The following KLF13 variants were observed in gnomAD, a reference collection of about 807,000 sequenced individuals.
KLF13 encodes KLF transcription factor 13, also known as Krueppel-like factor 13.
In KLF13, 8 loss-of-function variants were observed where a neutral mutation model predicts 16.7. That is an observed-to-expected ratio of 0.48 (90% CI 0.28 to 0.87). KLF13 has a LOEUF of 0.87. KLF13 is among the 40% of genes least tolerant of loss of function. The probability of loss-of-function intolerance (pLI) is 0.10; values close to 1 mark genes in which losing one functional copy is unlikely to be tolerated. For missense variants in KLF13, 447 were observed against 452.2 expected (o/e 0.99, Z 0.10); for synonymous variants, 245 against 208.4 (o/e 1.18, Z -1.51).
intron 2 of KLF13, among the ~76,000 whole-genome samples, chr15:31,400,728 G>A (rs1367781567): frequency 6.6e-6 from 1 of 151,256 alleles, no homozygotes; most frequent in Non-Finnish European, 1.5e-5. Flanking sequence ...GAGGAGGGTC[G>A]AGGGAGGGGG....
At chr15:31,351,803 A>T (rs1225265932) in intron 1 of KLF13, among the ~76,000 whole-genome samples, 1 of 152,190 alleles carries the variant, frequency 6.6e-6, no homozygotes. Flanking sequence ...TGAGGTCAGG[A>T]GTTCAAGACT....
At chr15:31,342,443 G>T (rs965069388) in intron 1 of KLF13, among the ~76,000 whole-genome samples, 1 of 152,216 alleles carries the variant, frequency 6.6e-6, no homozygotes, top group Non-Finnish European at 1.5e-5. Flanking sequence ...TTAACTGACA[G>T]CTCTTTAGTA....
At chr15:31,400,849 C>T (rs770743834) in intron 2 of KLF13, among the ~76,000 whole-genome samples, 1 of 152,028 alleles carries the variant, frequency 6.6e-6, no homozygotes, top group Non-Finnish European at 1.5e-5. Flanking sequence ...TGGCTGGATG[C>T]GATGGCTGTG....
chr15:31,385,500 A>G (rs1380222573), intron 1 of KLF13, among the ~76,000 whole-genome samples: 1 of 152,240 alleles, frequency 6.6e-6, no homozygotes, highest in Non-Finnish European at 1.5e-5. Flanking sequence ...TTCCAACAGC[A>G]CATGCTCACT....
At chr15:31,340,465 C>A (rs2039003169) in intron 1 of KLF13, among the ~76,000 whole-genome samples, 1 of 152,244 alleles carries the variant, frequency 6.6e-6, no homozygotes, top group African/African-American at 2.4e-5. Flanking sequence ...TCCCTCCTCA[C>A]CTGGGTGCTC....
chr15:31,368,090 G>A (rs1475258663), intron 1 of KLF13, among the ~76,000 whole-genome samples: 1 of 150,358 alleles, frequency 6.7e-6, no homozygotes, highest in African/African-American at 2.5e-5. Flanking sequence ...ACACTTGGGA[G>A]CTCATCTCCA....
chr15:31,428,245 G>C (rs140459853), intron 1 of KLF13, among the ~76,000 whole-genome samples: 241 of 152,276 alleles, frequency 1.6e-3, no homozygotes, highest in African/African-American at 5.6e-3. Context: ...AGTGGGTATA[G>C]AGCTGCAGTT....
downstream of KLF13, among the ~76,000 whole-genome samples, chr15:31,407,410 C>A (rs1264795977): frequency 1.3e-5 from 2 of 152,128 alleles, no homozygotes; most frequent in African/African-American, 4.8e-5. Flanking sequence ...AGGTCATGGG[C>A]AGAGAAACAA....
intron 1 of KLF13, among the ~76,000 whole-genome samples, chr15:31,419,668 G>A (rs965000710): frequency 2.0e-5 from 3 of 152,100 alleles, no homozygotes; most frequent in Admixed American, 6.6e-5. Context: ...AAGCATAAGG[G>A]ACTTATGAAA....
At chr15:31,405,672 G>T (rs1015020121), downstream of KLF13, among the ~76,000 whole-genome samples, 6 of 152,146 alleles carry the variant, frequency 3.9e-5, no homozygotes, top group Admixed American at 3.3e-4. Context: ...TCTGGTGAGG[G>T]CTGCCAGGTG....
intron 1 of KLF13, chr15:31,393,285 C>G (rs1221010712): frequency 2.0e-5 from 3 of 152,492 alleles, no homozygotes; most frequent in African/African-American, 7.2e-5. Flanking sequence ...GGCCTTCGGC[C>G]TTTGCATTTC....
intron 1 of KLF13, among the ~76,000 whole-genome samples, chr15:31,433,502 G>T (rs1037448184): frequency 6.6e-6 from 1 of 152,102 alleles, no homozygotes; most frequent in Non-Finnish European, 1.5e-5. Context: ...TTCCACCAGG[G>T]TCCCCCCCTT....
chr15:31,367,222 G>A (rs1296656734), intron 1 of KLF13, among the ~76,000 whole-genome samples: 1 of 152,194 alleles, frequency 6.6e-6, no homozygotes, highest in Non-Finnish European at 1.5e-5. Context: ...CAGACCCAGT[G>A]TTGCTCCTTG....
Position 31,344,184 on chromosome 15 carries a change from G to A in KLF13, c.577+16395G>A, listed in dbSNP as rs571007827. ...CCTGTCACTCCAGCTCCAGAGGTGG[G>A]GCTCTCCCCACACCCATACCCATCT... is the stretch of plus-strand genomic sequence containing the variant. On this transcript the variant is annotated intron_variant, in intron 1 of 1. Transcript: ENST00000307145. Among the ~76,000 whole-genome samples, 146 of 152,236 alleles carry A rather than the reference G, an allele frequency of 9.6e-4. No homozygotes were observed. In the Middle Eastern group the frequency reaches 0.01, roughly 11 times the overall value.
chr15:31,372,394 G>A lies in KLF13; in HGVS notation c.*95G>A, dbSNP rs1472301175. The A allele has an allele frequency of 7.7e-7, 1 of 1,293,394 alleles. No individual in the cohort carries two copies. The highest frequency in any genetic ancestry group is 1.0e-6 in the Non-Finnish European group (1 of 1,004,944). The allele number at this position is 1,293,394 out of a possible 1,614,324, so 80.1% of individuals were successfully genotyped here. On this transcript the variant is annotated 3_prime_UTR_variant, in exon 2 of 2. Coordinates refer to ENST00000307145, the MANE Select transcript of KLF13 (RefSeq NM_015995.4). ...AAGAAGAGAGAGAACTTGATGCAAA[G>A]TCCACGAAAAAACAATTTTTTTCAC...
intron 2 of KLF13, among the ~76,000 whole-genome samples, chr15:31,396,738 T>C (rs999307424): frequency 1.3e-5 from 2 of 152,216 alleles, no homozygotes; most frequent in African/African-American, 2.4e-5. Flanking sequence ...GTCAGAATCT[T>C]GTAGCCTCCA....
intron 1 of KLF13, among the ~76,000 whole-genome samples, chr15:31,338,050 A>G (rs1425747778): frequency 6.6e-6 from 1 of 152,220 alleles, no homozygotes; most frequent in African/African-American, 2.4e-5. Flanking sequence ...AGAGTCTTAC[A>G]GGAAATACAG....
intron 1 of KLF13, among the ~76,000 whole-genome samples, chr15:31,363,607 C>T (rs1314145550): frequency 6.6e-6 from 1 of 152,238 alleles, no homozygotes; most frequent in African/African-American, 2.4e-5. Context: ...CTGTCTCAGC[C>T]TCCTGAGTAG....
intron 1 of KLF13, among the ~76,000 whole-genome samples, chr15:31,331,699 C>T (rs1595449557): frequency 6.6e-6 from 1 of 152,204 alleles, no homozygotes; most frequent in Non-Finnish European, 1.5e-5. Context: ...CTGTCCCAGG[C>T]TGCCAGTGGC....
Sources: allele counts gnomAD v4.1 joint callset (sites outside exome capture counted in the v4.1 genomes callset), GRCh38; gene constraint gnomAD v4.1.1; transcripts MANE v1.5; gene names NCBI Gene and HGNC (gene_info 2026-07-23, HGNC 2026-07-21).